The following USP3 variants were observed in gnomAD, a reference collection of about 807,000 sequenced individuals.
USP3 encodes ubiquitin specific peptidase 3, also known as ubiquitin carboxyl-terminal hydrolase 3.
USP3 carries 20 observed loss-of-function variants against 72.3 expected under a neutral mutation model. The ratio of observed to expected loss-of-function variants is 0.28; its 90% CI spans 0.19 to 0.40. USP3 has a LOEUF of 0.40. Among genes scored for constraint, USP3 ranks in the 10% least tolerant of loss-of-function variants. The pLI is 1.00. For missense variants in USP3, 479 were observed against 633.9 expected (o/e 0.76, Z 2.62); for synonymous variants, 222 against 225.3 (o/e 0.99, Z 0.13).
chr15:63,541,803 C>G (rs1242338354), intron 3 of USP3, among the ~76,000 whole-genome samples: 1 of 152,076 alleles, frequency 6.6e-6, no homozygotes, highest in Admixed American at 6.5e-5. Context: ...AACCAGATGT[C>G]AAATTTGCCC....
At chr15:63,587,237 C>T (rs903934693) in intron 11 of USP3, among the ~76,000 whole-genome samples, 1 of 152,312 alleles carries the variant, frequency 6.6e-6, no homozygotes, top group Non-Finnish European at 1.5e-5. Flanking sequence ...AGGTTGTCCA[C>T]TGCACAACTC....
rs748443791 is a variant in USP3, at chr15:63,553,703, T to C, written c.285-12T>C. 1.2e-5 allele frequency: 20 copies of C among 1,610,732 alleles called. No homozygotes were observed. The South Asian group carries it at 1.3e-4, about 11-fold the overall frequency. ...AGCTCTTTACACACATTGATTAATATTTTCCTTGCAGTTATCGCTGTGATG... is the reference window on the plus strand; with the variant it reads ...AGCTCTTTACACACATTGATTAATACTTTCCTTGCAGTTATCGCTGTGATG... On this transcript the variant is annotated splice_polypyrimidine_tract_variant and intron_variant, in intron 3 of 14. Coordinates refer to ENST00000380324, the MANE Select transcript of USP3 (RefSeq NM_006537.4). The surrounding 1 kb of genome is among the most constrained non-coding windows in gnomAD (Gnocchi z 4.2).
intron 6 of USP3, among the ~76,000 whole-genome samples, chr15:63,559,084 TG>T (rs1002763547): frequency 2.0e-5 from 3 of 151,988 alleles, no homozygotes; most frequent in Non-Finnish European, 4.4e-5. Context: ...TTTTTCTGTA[TG>T]AAAAATCAGA....
intron 1 of USP3, among the ~76,000 whole-genome samples, chr15:63,517,914 C>A (rs1268519907): frequency 6.6e-6 from 1 of 152,160 alleles, no homozygotes; most frequent in African/African-American, 2.4e-5. Flanking sequence ...CTGTTGAAAT[C>A]TTTTGTCTGC....
At chr15:63,518,852 G>A (rs551877459) in intron 1 of USP3, among the ~76,000 whole-genome samples, 15 of 151,682 alleles carry the variant, frequency 9.9e-5, no homozygotes, top group Admixed American at 7.2e-4. Flanking sequence ...TGCAAGCTCC[G>A]CCTCCCAGGT....
Position 63,547,759 on chromosome 15 carries a change from AGG to A in USP3, c.285-5954_285-5953del, listed in dbSNP as rs1287020278. Among the ~76,000 whole-genome samples the A allele has an allele frequency of 4.9e-3, 43 of 8,864 alleles. 1 individual carries two copies. The highest frequency in any genetic ancestry group is 0.019 in the South Asian group (4 of 216). 5.8% of individuals were successfully genotyped at this position (8,864 alleles called of 152,430 possible). A position where few individuals can be genotyped will look rare whatever the true frequency, so the allele number is the denominator to read the frequency against. On this transcript the variant is annotated intron_variant, in intron 3 of 14. Transcript: ENST00000380324. ...GAGAGAGAGAGGGAGGGAGGGAGGG[AGG>A]GAGAGAGAGAGAGAGAGAGAGAGAG...
rs369529701 is a variant in USP3, at chr15:63,559,896, C to T, written c.573C>T (p.Pro191=). Residue 191 remains proline, a synonymous_variant, in exon 7 of 15, where the codon CCC becomes CCT. Transcript: ENST00000380324. ...TTTGCTGTTATTTCAAAGAACTGCC[C>T]GCCGTGGAGTTAAGGAATGGGAAAA... ...EQFCCYFKEL[P]AVELRNGKTA... 5.2e-5 allele frequency: 84 copies of T among 1,613,578 alleles called. No homozygotes were observed. The highest frequency in any genetic ancestry group is 1.2e-4 in the Admixed American group (7 of 59,964).
chr15:63,566,836 A>C (rs147485836), intron 8 of USP3, among the ~76,000 whole-genome samples: 1 of 152,220 alleles, frequency 6.6e-6, no homozygotes, highest in African/African-American at 2.4e-5. Flanking sequence ...ATTGTTGCCA[A>C]ATACTGAGTA....
chr15:63,524,369 T>G (rs1477769722), intron 1 of USP3, among the ~76,000 whole-genome samples: 1 of 152,208 alleles, frequency 6.6e-6, no homozygotes, highest in Non-Finnish European at 1.5e-5. Context: ...GTTTGGTGGG[T>G]GTGGATGATG....
chr15:63,554,139 T>C (rs1487605243), intron 4 of USP3, among the ~76,000 whole-genome samples: 3 of 152,270 alleles, frequency 2.0e-5, no homozygotes, highest in South Asian at 2.1e-4. Flanking sequence ...AGAGTTACTT[T>C]TGATAATAGA....
intron 6 of USP3, among the ~76,000 whole-genome samples, chr15:63,558,608 A>G (rs943617244): frequency 6.6e-6 from 1 of 151,962 alleles, no homozygotes; most frequent in South Asian, 2.1e-4. Context: ...GCAGTGGCTC[A>G]GGCCTGTAAT....
chr15:63,515,077 G>A, intron 1 of USP3, among the ~76,000 whole-genome samples: 1 of 152,146 alleles, frequency 6.6e-6, no homozygotes, highest in East Asian at 1.9e-4. Flanking sequence ...AGGCAAAAAT[G>A]GCCCATTTTG....
intron 11 of USP3, among the ~76,000 whole-genome samples, chr15:63,581,146 T>C (rs2152681800): frequency 6.6e-6 from 1 of 152,172 alleles, no homozygotes; most frequent in East Asian, 1.9e-4. Flanking sequence ...CACTTCCACA[T>C]GTGAGCTCTG....
chr15:63,578,946 C>A (rs1431530783), intron 11 of USP3, among the ~76,000 whole-genome samples: 1 of 152,116 alleles, frequency 6.6e-6, no homozygotes, highest in Non-Finnish European at 1.5e-5. Context: ...TGAGACTAGG[C>A]AGGAGGACAC....
chr15:63,534,175 GTGA>G (rs2152659865), intron 2 of USP3, among the ~76,000 whole-genome samples: 1 of 152,192 alleles, frequency 6.6e-6, no homozygotes, highest in African/African-American at 2.4e-5. Flanking sequence ...TTGGAGAAAT[GTGA>G]TGAAGTAGAT....
In USP3 at chr15:63,553,810, G is replaced by A. The variant is rs374805350; in HGVS notation, c.368+12G>A. 1,165 of 1,607,326 alleles carry A rather than the reference G, an allele frequency of 7.2e-4. No homozygotes were observed. The highest frequency in any genetic ancestry group is 9.5e-4 in the Non-Finnish European group (1,118 of 1,177,250). ...CAGAACTTGGAAAAGTAAGTAATAG[G>A]CCTTTGGAAAAAGAAGGGCCTAAGA... On this transcript the variant is annotated intron_variant, in intron 4 of 14. Coordinates refer to ENST00000380324, the MANE Select transcript of USP3 (RefSeq NM_006537.4). The surrounding 1 kb of genome is among the most constrained non-coding windows in gnomAD (Gnocchi z 4.2).
At chr15:63,566,868 C>T (rs1276457204) in intron 8 of USP3, among the ~76,000 whole-genome samples, 3 of 151,930 alleles carry the variant, frequency 2.0e-5, no homozygotes, top group Non-Finnish European at 4.4e-5. Flanking sequence ...AACTTATTTT[C>T]GTTTTGCAGA....
At chr15:63,584,092 G>GTTTTTT (rs61574200) in intron 11 of USP3, among the ~76,000 whole-genome samples, 782 of 85,448 alleles carry the variant, frequency 9.2e-3, no homozygotes, top group East Asian at 0.014. Context: ...CAACGGTTTT[G>GTTTTTT]TTTTTTTTTT....
Position 63,553,626 on chromosome 15 carries a change from C to A in USP3, c.285-89C>A. The A allele has an allele frequency of 8.3e-7, 1 of 1,198,886 alleles. No individual in the cohort carries two copies. Among genetic ancestry groups the A allele is most frequent in the South Asian group, 1.6e-5 (1 of 60,976 alleles). The allele number at this position is 1,198,886 out of a possible 1,614,324, so 74.3% of individuals were successfully genotyped here. On this transcript the variant is annotated intron_variant, in intron 3 of 14. Transcript: ENST00000380324. The surrounding 1 kb of genome is among the most constrained non-coding windows in gnomAD (Gnocchi z 4.2). ...GTAACTGCCTGCAGAGCCATGTGATCATCTTGGCAACAGCCAGACCTTTTA... is the reference window on the plus strand; with the variant it reads ...GTAACTGCCTGCAGAGCCATGTGATAATCTTGGCAACAGCCAGACCTTTTA...
Sources: allele counts gnomAD v4.1 joint callset (sites outside exome capture counted in the v4.1 genomes callset), GRCh38; gene constraint gnomAD v4.1.1; non-coding constraint Gnocchi (gnomAD v3.1); transcripts MANE v1.5; gene names NCBI Gene and HGNC (gene_info 2026-07-23, HGNC 2026-07-21).